The following MRPL48 variants were observed in gnomAD, a reference collection of about 807,000 sequenced individuals.
The protein encoded by MRPL48 is mitochondrial ribosomal protein L48.
In MRPL48, 16 loss-of-function variants were observed where a neutral mutation model predicts 32.9. That is an observed-to-expected ratio of 0.49 (90% CI 0.33 to 0.74). The LOEUF (loss-of-function observed/expected upper bound fraction) is 0.74. Ranked by LOEUF, MRPL48 falls within the 30% of genes least tolerant of loss-of-function variation. The probability of loss-of-function intolerance (pLI) is 0.02; values close to 1 mark genes in which losing one functional copy is unlikely to be tolerated. For missense variants in MRPL48, 206 were observed against 245.3 expected (o/e 0.84, Z 1.07); for synonymous variants, 94 against 89.2 (o/e 1.05, Z -0.31).
intron 3 of MRPL48, among the ~76,000 whole-genome samples, chr11:73,812,732 A>T: frequency 7.2e-6 from 1 of 138,686 alleles, no homozygotes; most frequent in East Asian, 2.1e-4. Context: ...ATATATATAT[A>T]TATATATATT....
intron 1 of MRPL48, among the ~76,000 whole-genome samples, chr11:73,790,092 C>T (rs1170609171): frequency 9.3e-6 from 1 of 107,060 alleles, no homozygotes; most frequent in Non-Finnish European, 1.8e-5. Flanking sequence ...TTTTTTGAGA[C>T]AGAGTCTCCC....
chr11:73,804,657 T>C lies in MRPL48; in HGVS notation c.22-370T>C, dbSNP rs550186131. On this transcript the variant is annotated intron_variant, in intron 1 of 7. Transcript: ENST00000310614. ...CTCAGTTGCTTTACTTACGAAATTG[T>C]CTTGCAGTGTTTTCAGAATTAAAGA... 3.9e-5 allele frequency among the ~76,000 whole-genome samples: 6 copies of C among 152,332 alleles called. No individual in the cohort carries two copies. In the South Asian group the frequency reaches 8.3e-4, roughly 21 times the overall value.
intron 1 of MRPL48, among the ~76,000 whole-genome samples, chr11:73,789,025 G>A (rs1430869134): frequency 1.3e-5 from 2 of 152,184 alleles, no homozygotes; most frequent in Non-Finnish European, 2.9e-5. Flanking sequence ...GGTCGTTGCA[G>A]CTCATGGGTC....
intron 1 of MRPL48, among the ~76,000 whole-genome samples, chr11:73,797,212 A>G (rs1231613274): frequency 6.6e-6 from 1 of 151,978 alleles, no homozygotes; most frequent in African/African-American, 2.4e-5. Flanking sequence ...GGAGCTGCCC[A>G]CTCCAAGGTC....
intron 6 of MRPL48, among the ~76,000 whole-genome samples, chr11:73,861,724 C>A (rs910149801): frequency 6.6e-6 from 1 of 152,184 alleles, no homozygotes; most frequent in African/African-American, 2.4e-5. Flanking sequence ...TTACTGAATG[C>A]TGTTTTCTCT....
chr11:73,832,721 G>A (rs1948018530), intron 4 of MRPL48: 1 of 152,376 alleles, frequency 6.6e-6, no homozygotes, highest in South Asian at 2.1e-4. Flanking sequence ...AAAACAATTG[G>A]TTTTGCTGGT....
chr11:73,823,857 C>CG (rs1257475641), intron 3 of MRPL48, among the ~76,000 whole-genome samples: 8 of 147,934 alleles, frequency 5.4e-5, no homozygotes, highest in African/African-American at 2.1e-4. Flanking sequence ...TATATAAAGA[C>CG]CCCCCTTTTT....
intron 5 of MRPL48, among the ~76,000 whole-genome samples, chr11:73,858,210 A>C (rs1275561520): frequency 6.6e-6 from 1 of 152,238 alleles, no homozygotes; most frequent in Non-Finnish European, 1.5e-5. Flanking sequence ...GAAGAAGAGG[A>C]GATCAGAGAT....
chr11:73,859,286 CTTT>C (rs71065048), intron 5 of MRPL48, among the ~76,000 whole-genome samples: 1 of 145,286 alleles, frequency 6.9e-6, no homozygotes. Flanking sequence ...TCTTTTCTTT[CTTT>C]TTTTTTTTTT....
chr11:73,863,368 A>G, intron 7 of MRPL48, 107 bp downstream of exon 7: 1 of 925,052 alleles, frequency 1.1e-6, no homozygotes, highest in Non-Finnish European at 1.6e-6. Flanking sequence ...AATGTGGATA[A>G]TGTGACCTAA....
intron 1 of MRPL48, among the ~76,000 whole-genome samples, chr11:73,793,020 C>T (rs2134927016): frequency 6.6e-6 from 1 of 152,272 alleles, no homozygotes; most frequent in South Asian, 2.1e-4. Context: ...AGAGTGTATG[C>T]TAGATGCTGG....
intron 4 of MRPL48, among the ~76,000 whole-genome samples, chr11:73,837,270 G>A (rs886182601): frequency 6.6e-6 from 1 of 152,106 alleles, no homozygotes. Flanking sequence ...CTGGGCTTGG[G>A]GCTGCAGACT....
chr11:73,812,223 A>ATAGCAATT (rs1205330782), intron 3 of MRPL48, among the ~76,000 whole-genome samples: 1 of 152,080 alleles, frequency 6.6e-6, no homozygotes, highest in African/African-American at 2.4e-5. Context: ...ATATCCACTG[A>ATAGCAATT]TAGCAATTTC....
chr11:73,842,394 C>T lies in MRPL48; in HGVS notation c.202-2413C>T, dbSNP rs570894557. 4 of 152,306 alleles carry T rather than the reference C, an allele frequency of 2.6e-5. No homozygotes were observed. In the East Asian group the frequency reaches 7.7e-4, roughly 29 times the overall value. The allele number at this position is 152,306 out of a possible 1,614,324, so 9.4% of individuals were successfully genotyped here. A position where few individuals can be genotyped will look rare whatever the true frequency, so the allele number is the denominator to read the frequency against. On this transcript the variant is annotated intron_variant, in intron 4 of 7. Coordinates refer to ENST00000310614, the MANE Select transcript of MRPL48 (RefSeq NM_016055.6). ...TATATGTGTGGCAACATTTTGAACACATTATTCTACAGTTTGCTTTTATCA... is the reference window on the plus strand; with the variant it reads ...TATATGTGTGGCAACATTTTGAACATATTATTCTACAGTTTGCTTTTATCA...
At chr11:73,838,175 C>T (rs931784885) in intron 4 of MRPL48, among the ~76,000 whole-genome samples, 2 of 152,124 alleles carry the variant, frequency 1.3e-5, no homozygotes, top group African/African-American at 4.8e-5. Flanking sequence ...TTAATAGTTC[C>T]TCATGGCATT....
intron 5 of MRPL48, among the ~76,000 whole-genome samples, chr11:73,846,353 C>T (rs1196347358): frequency 2.6e-5 from 4 of 151,994 alleles, no homozygotes; most frequent in Admixed American, 6.6e-5. Flanking sequence ...GAGTCTCACT[C>T]TGTCACCCAT....
chr11:73,841,437 A>T (rs1948183813), intron 4 of MRPL48, among the ~76,000 whole-genome samples: 2 of 152,224 alleles, frequency 1.3e-5, no homozygotes, highest in Admixed American at 1.3e-4. Flanking sequence ...TGGCATATTC[A>T]TACAGTGGAC....
intron 5 of MRPL48, among the ~76,000 whole-genome samples, chr11:73,845,570 T>C (rs1269899623): frequency 2.7e-5 from 4 of 150,722 alleles, no homozygotes; most frequent in Non-Finnish European, 5.9e-5. Context: ...CCCAGGAGTT[T>C]GAGACCTGCC....
chr11:73,794,046 G>T (rs1292135491), intron 1 of MRPL48, among the ~76,000 whole-genome samples: 2 of 151,780 alleles, frequency 1.3e-5, no homozygotes, highest in African/African-American at 4.8e-5. Context: ...AATTAGCCAG[G>T]TGTGGTGGCA....
Sources: gnomAD v4.1 joint callset for allele counts (sites outside exome capture counted in the v4.1 genomes callset) on GRCh38, gnomAD v4.1.1 for gene constraint, MANE v1.5 for transcripts, NCBI Gene and HGNC (gene_info 2026-07-23, HGNC 2026-07-21) for gene names.